MAP2K3: variants seen among roughly 807,000 people sequenced by gnomAD.
The protein encoded by MAP2K3 is dual specificity mitogen-activated protein kinase kinase 3.
A neutral mutation model predicts 46.4 loss-of-function variants in MAP2K3; 30 were observed. The ratio of observed to expected loss-of-function variants is 0.65; its 90% CI spans 0.48 to 0.88. The LOEUF is 0.88. Ranked by LOEUF, MAP2K3 falls within the 40% of genes least tolerant of loss-of-function variation. The pLI, the probability that MAP2K3 is intolerant of heterozygous loss-of-function variation, is 0.00. For missense variants in MAP2K3, 380 were observed against 464.5 expected, an observed-to-expected ratio of 0.82 and a Z score of 1.67; for synonymous variants, 189 against 176.3, an observed-to-expected ratio of 1.07 and a Z score of -0.57.
At chr17:21,291,101 G>T (rs968135258) in intron 1 of MAP2K3, among the ~76,000 whole-genome samples, 1 of 152,294 alleles carries the variant, frequency 6.6e-6, no homozygotes, top group Non-Finnish European at 1.5e-5. Context: ...AAAATTAACC[G>T]GGCGTGGTGG....
intron 1 of MAP2K3, chr17:21,295,945 T>G (rs1976220795): frequency 8.0e-7 from 1 of 1,246,712 alleles, no homozygotes; most frequent in Admixed American, 2.4e-5. Context: ...GGGGGCAAGG[T>G]CAAGGCCCAG....
intron 2 of MAP2K3, 68 bp from the exon 3 acceptor site, chr17:21,298,810 C>T (rs1376375447): frequency 3.1e-6 from 5 of 1,611,510 alleles, no homozygotes; most frequent in Admixed American, 1.7e-5. Context: ...CACACTGGCC[C>T]ATCTACTGCT....
rs775589134 is a variant in MAP2K3 at position 21,284,938 on chromosome 17, G to T, written c.18G>T (p.Ser6=). The change falls in exon 1 of 12, where the codon TCG becomes TCT. Residue 6 remains serine (S), a synonymous_variant. Coordinates refer to ENST00000342679, the MANE Select transcript of MAP2K3 (RefSeq NM_145109.3). ...CTTGCAGCATGGAGTCGCCCGCCTCGAGCCAGCCCGCCAGCATGCCCCAGT... is the reference window on the plus strand; with the variant it reads ...CTTGCAGCATGGAGTCGCCCGCCTCTAGCCAGCCCGCCAGCATGCCCCAGT... MESPA[S]SQPASMPQSK... The T allele has an allele frequency of 1.2e-6, 2 of 1,612,140 alleles. No homozygotes were observed. The highest frequency in any genetic ancestry group is 1.7e-6 in the Non-Finnish European group (2 of 1,179,650).
intron 3 of MAP2K3, among the ~76,000 whole-genome samples, chr17:21,300,152 C>T (rs1233898605): frequency 1.3e-5 from 2 of 152,312 alleles, no homozygotes; most frequent in Admixed American, 1.3e-4. Flanking sequence ...GTTTTGTTGT[C>T]ACTGTGTCCC....
intron 1 of MAP2K3, chr17:21,288,195 GT>G: frequency 1.1e-6 from 1 of 911,746 alleles, no homozygotes; most frequent in Non-Finnish European, 1.5e-6. Context: ...TGGGGAGGGG[GT>G]TACGTGTCCT....
chr17:21,291,949 A>C (rs1471815056), intron 1 of MAP2K3, among the ~76,000 whole-genome samples: 2 of 152,310 alleles, frequency 1.3e-5, no homozygotes, highest in African/African-American at 4.8e-5. Context: ...CGAGGCTTGC[A>C]CAGAGAGGGA....
intron 3 of MAP2K3, among the ~76,000 whole-genome samples, chr17:21,299,790 C>T (rs1597814792): frequency 1.3e-5 from 2 of 152,300 alleles, no homozygotes; most frequent in East Asian, 1.9e-4. Context: ...CAAGACCAGC[C>T]TAGCTAACGT....
intron 3 of MAP2K3, 79 bp downstream of exon 3, chr17:21,299,005 T>TG: frequency 1.3e-6 from 2 of 1,586,172 alleles, no homozygotes; most frequent in Non-Finnish European, 1.7e-6. Flanking sequence ...AGGGCCACTT[T>TG]GGGGGGAGGT....
chr17:21,304,244 C>A (rs567675587), intron 7 of MAP2K3, among the ~76,000 whole-genome samples, 182 bp from the exon 8 acceptor site: 1 of 152,312 alleles, frequency 6.6e-6, no homozygotes, highest in East Asian at 1.9e-4. Flanking sequence ...TGGCCCGGCA[C>A]CTCTTGCAGC....
intron 1 of MAP2K3, among the ~76,000 whole-genome samples, chr17:21,294,244 T>TC (rs1976112413): frequency 8.7e-6 from 1 of 114,392 alleles, no homozygotes; most frequent in African/African-American, 3.2e-5. Flanking sequence ...TGTGGCTCCT[T>TC]CCCTGGCAGG....
At position 21,298,418 on chromosome 17, in the gene MAP2K3, T is replaced by A. The variant is rs535050080; in HGVS notation, c.55T>A (p.Ser19Thr). 1.2e-6 allele frequency: 2 copies of A among 1,614,314 alleles called. No individual in the cohort carries two copies. Among genetic ancestry groups the A allele is most frequent in the Non-Finnish European group, 1.7e-6 (2 of 1,180,060 alleles). The change falls in exon 2 of 12, where the codon TCC becomes ACC. Residue 19 changes from serine (S) to threonine (T), a missense_variant. By Grantham distance (58) the Ser-to-Thr change is moderately conservative. Coordinates refer to ENST00000342679, the MANE Select transcript of MAP2K3 (RefSeq NM_145109.3). The part of the protein sequence containing the change: ...PASMPQSKGK[S>T]KRKKDLRISC... The stretch of plus-strand genomic sequence containing the variant: ...TCACCTTCTCTCCATTCTAGGAAAA[T>A]CCAAGAGGAAGAAGGATCTACGGAT...
At chr17:21,306,700 C>G (rs1976905450) in intron 9 of MAP2K3, among the ~76,000 whole-genome samples, 1 of 152,198 alleles carries the variant, frequency 6.6e-6, no homozygotes, top group Non-Finnish European at 1.5e-5. Flanking sequence ...CGAGGCTGGT[C>G]TTGAACTCCT....
chr17:21,295,865 C>T, intron 1 of MAP2K3: 1 of 1,286,690 alleles, frequency 7.8e-7, no homozygotes. Flanking sequence ...GCCAGAGGGA[C>T]CAAGAGCAGA....
chr17:21,304,481 C>A lies in MAP2K3; in HGVS notation c.624C>A (p.Asp208Glu). Residue 208 changes from aspartate (D) to glutamate (E), a missense_variant, in exon 8 of 12, where the codon GAC becomes GAA. This residue lies in a region of MAP2K3 where 13 missense variants were observed against 32.7 expected (regional missense o/e 0.40). Transcript: ENST00000342679. ...AGGAGGGCCATGTGAAGATGTGTGA[C>A]TTTGGCATCAGTGGCTACTTGGTGG... is the stretch of plus-strand genomic sequence containing the variant. ...INKEGHVKMC[D>E]FGISGYLVDS... The A allele has an allele frequency of 6.2e-7, 1 of 1,614,318 alleles. No individual in the cohort carries two copies. The highest frequency in any genetic ancestry group is 8.5e-7 in the Non-Finnish European group (1 of 1,180,058).
At chr17:21,305,697 G>A (rs1657690) in intron 9 of MAP2K3, among the ~76,000 whole-genome samples, 2 of 152,278 alleles carry the variant, frequency 1.3e-5, no homozygotes, top group Non-Finnish European at 1.5e-5. Context: ...CATGCCTTCC[G>A]TGTTGGGGCT....
At chr17:21,293,924 G>A (rs1173807931) in intron 1 of MAP2K3, among the ~76,000 whole-genome samples, 1 of 152,310 alleles carries the variant, frequency 6.6e-6, no homozygotes, top group Non-Finnish European at 1.5e-5. Flanking sequence ...AAGGGGCCCT[G>A]CCTGAAGGTG....
At chr17:21,300,847 C>T (rs1226973820) in intron 4 of MAP2K3, 27 bp from the exon 5 acceptor site, 2 of 1,613,772 alleles carry the variant, frequency 1.2e-6, no homozygotes, top group East Asian at 2.2e-5. Context: ...GCCACGGCAA[C>T]CTCTGAATGG....
At chr17:21,301,399 G>T (rs1225684386) in intron 5 of MAP2K3, among the ~76,000 whole-genome samples, 1 of 152,310 alleles carries the variant, frequency 6.6e-6, no homozygotes, top group Non-Finnish European at 1.5e-5. Context: ...GGACAGGATG[G>T]GGTGTGTGCT....
At position 21,298,197 on chromosome 17, in the gene MAP2K3, C is replaced by T. The variant is rs985658373; in HGVS notation, c.50-216C>T. On this transcript the variant is annotated intron_variant, in intron 1 of 11. Coordinates refer to ENST00000342679, the MANE Select transcript of MAP2K3 (RefSeq NM_145109.3). ...AGATAAGGCCCTGGAGTCCAGCCTC[C>T]AGGCCTGGGTCTGTCCTGCTCTGCT... 2.5e-5 allele frequency: 19 copies of T among 751,788 alleles called. No homozygotes were observed. In the Admixed American group the frequency reaches 2.8e-4, roughly 11 times the overall value. The allele number at this position is 751,788 out of a possible 1,614,324, so 46.6% of individuals were successfully genotyped here. A position where few individuals can be genotyped will look rare whatever the true frequency, so the allele number is the denominator to read the frequency against.
Sources: gnomAD v4.1 joint callset for allele counts (sites outside exome capture counted in the v4.1 genomes callset) on GRCh38, gnomAD v4.1.1 for gene constraint, gnomAD v4.1.1 regional missense constraint, MANE v1.5 for transcripts, NCBI Gene and HGNC (gene_info 2026-07-23, HGNC 2026-07-21) for gene names.